Variants in PITPNM2 observed in about 807,000 individuals in gnomAD.
The protein encoded by PITPNM2 is membrane-associated phosphatidylinositol transfer protein 2.
A neutral mutation model predicts 132.2 loss-of-function variants in PITPNM2; 35 were observed. The observed-to-expected ratio is 0.26, with a 90% confidence interval of 0.20 to 0.35. The LOEUF (loss-of-function observed/expected upper bound fraction) is 0.35. Ranked by LOEUF, PITPNM2 falls within the 10% of genes least tolerant of loss-of-function variation. PITPNM2 has a pLI of 1.00. For missense variants in PITPNM2, 1,332 were observed against 1,912.0 expected (o/e 0.70, Z 5.66); for synonymous variants, 738 against 799.2 (o/e 0.92, Z 1.29).
intron 2 of PITPNM2, among the ~76,000 whole-genome samples, chr12:123,104,213 G>A (rs908979908): frequency 6.6e-6 from 1 of 152,220 alleles, no homozygotes; most frequent in African/African-American, 2.4e-5. Flanking sequence ...TTACAGGCGT[G>A]GGCCACCATG....
Position 123,097,284 on chromosome 12 carries a change from C to T in PITPNM2, c.-96+13101G>A, listed in dbSNP as rs895540013. ...TCTCGAACTCCTGACCTCAGGTGAT[C>T]CACCTGCCTTGGCCTCCCAAAGTGC... On this transcript the variant is annotated intron_variant, in intron 2 of 25. Coordinates refer to ENST00000320201, the MANE Select transcript of PITPNM2 (RefSeq NM_020845.3). This position sits in a 1 kb window ranked among gnomAD's most constrained non-coding sequence, Gnocchi z 4.7. 5.9e-5 allele frequency among the ~76,000 whole-genome samples: 9 copies of T among 152,156 alleles called. No individual in the cohort carries two copies. The highest frequency in any genetic ancestry group is 8.8e-5 in the Non-Finnish European group (6 of 68,036).
At chr12:123,012,217 G>A (rs2039238241) in intron 5 of PITPNM2, among the ~76,000 whole-genome samples, 2 of 152,228 alleles carry the variant, frequency 1.3e-5, no homozygotes, top group Admixed American at 6.5e-5. Context: ...TCCCCTACAT[G>A]TCACTGTCAT....
intron 1 of PITPNM2, among the ~76,000 whole-genome samples, chr12:123,119,559 C>G (rs2042994293): frequency 1.3e-5 from 2 of 151,884 alleles, no homozygotes; most frequent in Non-Finnish European, 2.9e-5. Context: ...AGGGTTTCAC[C>G]GTGTTGGCCA....
chr12:123,148,063 C>A (rs1173485183), intron 1 of PITPNM2, among the ~76,000 whole-genome samples: 3 of 152,026 alleles, frequency 2.0e-5, no homozygotes, highest in African/African-American at 7.3e-5. Flanking sequence ...GGGAAAATGC[C>A]TCAGATTATG....
intron 2 of PITPNM2, among the ~76,000 whole-genome samples, chr12:123,100,080 G>A (rs1387705636): frequency 2.0e-5 from 3 of 152,218 alleles, no homozygotes; most frequent in African/African-American, 7.2e-5. Flanking sequence ...GCATTTCACA[G>A]AAGAAGAAAC....
In PITPNM2 at chr12:122,987,447, G is replaced by A. The variant is rs2037984775; in HGVS notation, c.3264-17C>T. ...TGGTCTCCCCTGGCAGGTGGTGGGG[G>A]TGCTCATCAGAACCACCCAGAGCCT... On this transcript the variant is annotated splice_polypyrimidine_tract_variant and intron_variant, in intron 22 of 25. Coordinates refer to ENST00000320201, the MANE Select transcript of PITPNM2 (RefSeq NM_020845.3). 1.2e-6 allele frequency: 2 copies of A among 1,613,366 alleles called. No individual in the cohort carries two copies. Among genetic ancestry groups the A allele is most frequent in the South Asian group, 1.1e-5 (1 of 91,082 alleles).
At position 122,983,812 on chromosome 12, in the gene PITPNM2, G is replaced by A. The variant is rs1242104565; in HGVS notation, c.*2215C>T. The A allele has an allele frequency of 6.6e-6, 1 of 152,668 alleles. No individual in the cohort carries two copies. 9.5% of individuals were successfully genotyped at this position (152,668 alleles called of 1,614,324 possible). On this transcript the variant is annotated 3_prime_UTR_variant, in exon 26 of 26. Transcript: ENST00000320201. ...AGGCTTCTATTCTAACAGGCCTGGG[G>A]GGTGGCAGTCAGCAAGGCCTGCCTC...
At chr12:123,045,359 C>G (rs1358841692) in intron 2 of PITPNM2, among the ~76,000 whole-genome samples, 1 of 152,192 alleles carries the variant, frequency 6.6e-6, no homozygotes, top group Non-Finnish European at 1.5e-5. Flanking sequence ...CCCACTTTGA[C>G]CACCCCCACT....
At chr12:123,043,887 A>G (rs919353954) in intron 2 of PITPNM2, among the ~76,000 whole-genome samples, 2 of 152,148 alleles carry the variant, frequency 1.3e-5, no homozygotes, top group African/African-American at 4.8e-5. Flanking sequence ...AAACGGGCAC[A>G]AATGTGCATG....
chr12:123,086,066 C>T (rs2042103960), intron 2 of PITPNM2, among the ~76,000 whole-genome samples: 1 of 152,266 alleles, frequency 6.6e-6, no homozygotes, highest in African/African-American at 2.4e-5. Context: ...CCGTAACCTG[C>T]TTCCTACGTT....
intron 2 of PITPNM2, among the ~76,000 whole-genome samples, chr12:123,038,578 C>T (rs1453924165): frequency 2.6e-5 from 4 of 152,270 alleles, no homozygotes; most frequent in Admixed American, 1.3e-4. Context: ...GCCAGGCTCT[C>T]TGAGATCCAT....
intron 8 of PITPNM2, among the ~76,000 whole-genome samples, chr12:123,003,346 C>T (rs1341142895): frequency 1.3e-5 from 2 of 152,190 alleles, no homozygotes; most frequent in Non-Finnish European, 2.9e-5. Context: ...GCACTTCCTG[C>T]TTTGCTGTCT....
In PITPNM2 at chr12:122,986,138, G is replaced by T; in HGVS notation, c.3939C>A (p.Ser1313Arg). Residue 1313 changes from serine (S) to arginine (R), a missense_variant, in exon 26 of 26, where the codon AGC (serine) becomes AGA (arginine). Transcript: ENST00000320201. ...GGCCCCGCTGCTCGCCATCCGCCTG[G>T]CTCTGTGTCCGCTCGTGCCGGTGGC... ...GPSHRHERTQ[S>R]QADGEQRGQR... 1 of 1,523,294 alleles carries T rather than the reference G, an allele frequency of 6.6e-7. No individual in the cohort carries two copies. Among genetic ancestry groups the T allele is most frequent in the Non-Finnish European group, 8.8e-7 (1 of 1,141,034 alleles). 94.4% of individuals were successfully genotyped at this position (1,523,294 alleles called of 1,614,324 possible).
intron 1 of PITPNM2, among the ~76,000 whole-genome samples, chr12:123,144,430 T>G (rs1208846362): frequency 1.3e-5 from 2 of 151,920 alleles, no homozygotes; most frequent in Non-Finnish European, 2.9e-5. Context: ...TTAAATAGGG[T>G]GTCTTTTTTG....
At chr12:123,123,578 T>C (rs2043073256) in intron 1 of PITPNM2, among the ~76,000 whole-genome samples, 3 of 152,036 alleles carry the variant, frequency 2.0e-5, no homozygotes, top group Admixed American at 6.6e-5. Context: ...ACCACTGCTC[T>C]CTAGCCTGGG....
intron 1 of PITPNM2, among the ~76,000 whole-genome samples, chr12:123,144,675 C>A (rs1021002132): frequency 6.6e-6 from 1 of 152,034 alleles, no homozygotes; most frequent in African/African-American, 2.4e-5. Flanking sequence ...CATTATCTGC[C>A]CACCTCGGCC....
intron 3 of PITPNM2, among the ~76,000 whole-genome samples, chr12:123,018,296 T>TTC (rs1282508764): frequency 5.5e-3 from 208 of 37,714 alleles, no homozygotes; most frequent in African/African-American, 7.4e-3. Flanking sequence ...TTCTTTTCTT[T>TTC]TTTTTTTTTT....
Position 122,996,766 on chromosome 12 carries a change from A to G in PITPNM2, c.1617T>C (p.Tyr539=), listed in dbSNP as rs1323666230. The change falls in exon 12 of 26, where the codon TAT becomes TAC. Residue 539 remains tyrosine, a synonymous_variant. Transcript: ENST00000320201. ...ATVIQRANLA[Y]GDFIKSQEGM... ...CCTCCTGGGACTTGATGAAGTCCCC[A>G]TAGGCAAGGTTGGCTCGCTGAATCA... The G allele has an allele frequency of 6.2e-7, 1 of 1,611,754 alleles. No homozygotes were observed.
chr12:122,988,961 C>G, intron 18 of PITPNM2, 89 bp from the exon 19 acceptor site: 1 of 1,353,458 alleles, frequency 7.4e-7, no homozygotes, highest in South Asian at 1.6e-5. Flanking sequence ...CCTGCTCAGC[C>G]CAGCACAGTC....
Sources: allele counts gnomAD v4.1 joint callset (sites outside exome capture counted in the v4.1 genomes callset), GRCh38; gene constraint gnomAD v4.1.1; non-coding constraint Gnocchi (gnomAD v3.1); transcripts MANE v1.5; gene names NCBI Gene and HGNC (gene_info 2026-07-23, HGNC 2026-07-21).